Variants in ACTR3C observed in about 807,000 individuals in gnomAD.
ACTR3C encodes actin related protein 3C, also known as actin-related protein 3C.
ACTR3C carries 18 observed loss-of-function variants against 26.3 expected under a neutral mutation model. The ratio of observed to expected loss-of-function variants is 0.68; its 90% CI spans 0.47 to 1.01. ACTR3C has a LOEUF of 1.01. ACTR3C is among the 50% of genes least tolerant of loss of function. The pLI is 0.00. For missense variants in ACTR3C, 184 were observed against 250.7 expected (o/e 0.73, Z 1.80); for synonymous variants, 55 against 94.5 (o/e 0.58, Z 2.42).
the ACTR3C span, among the ~76,000 whole-genome samples, chr7:150,064,977 C>G: frequency 4.9e-4 from 74 of 152,102 alleles, no homozygotes; most frequent in African/African-American, 1.6e-3. Flanking sequence ...CAGTCTGTGC[C>G]TTGGCTGTAA....
At chr7:150,140,424 T>C in the ACTR3C span, among the ~76,000 whole-genome samples, 3 of 152,190 alleles carry the variant, frequency 2.0e-5, no homozygotes, top group South Asian at 2.1e-4. Context: ...GAAGTTCTAC[T>C]GTGGGTAAAA....
At chr7:149,987,313 C>T in the ACTR3C span, among the ~76,000 whole-genome samples, 1 of 151,808 alleles carries the variant, frequency 6.6e-6, no homozygotes, top group African/African-American at 2.4e-5. Context: ...CGCCTGTAAT[C>T]CCAGCATTTT....
At chr7:150,196,792 C>T in the ACTR3C span, among the ~76,000 whole-genome samples, 1 of 152,024 alleles carries the variant, frequency 6.6e-6, no homozygotes, top group Admixed American at 6.6e-5. Context: ...GTTGAGTGTA[C>T]CACTGGCCTC....
intron 1 of ACTR3C, among the ~76,000 whole-genome samples, chr7:150,318,559 C>G (rs1797173888): frequency 6.6e-6 from 1 of 152,256 alleles, no homozygotes; most frequent in East Asian, 1.9e-4. Context: ...ATCAGGAGTT[C>G]AAGACCAGCC....
chr7:150,033,957 G>T, the ACTR3C span, among the ~76,000 whole-genome samples: 2 of 142,214 alleles, frequency 1.4e-5, no homozygotes, highest in African/African-American at 2.5e-5. Context: ...AAAGAGCGAG[G>T]GGGGGAAGGG....
chr7:150,174,580 A>C, the ACTR3C span, among the ~76,000 whole-genome samples: 3 of 139,466 alleles, frequency 2.2e-5, no homozygotes, highest in Non-Finnish European at 4.4e-5. Context: ...TGAAAAAAAA[A>C]AAAAAGAACA....
At chr7:150,221,535 T>C in the ACTR3C span, among the ~76,000 whole-genome samples, 1 of 152,190 alleles carries the variant, frequency 6.6e-6, no homozygotes, top group Non-Finnish European at 1.5e-5. Context: ...GCAGATATAG[T>C]TGAGTTTGAA....
chr7:150,090,815 C>G, the ACTR3C span, among the ~76,000 whole-genome samples: 1 of 152,048 alleles, frequency 6.6e-6, no homozygotes, highest in African/African-American at 2.4e-5. Context: ...GTTTCATACA[C>G]GTCAGGTGCT....
At chr7:149,896,482 A>C in the ACTR3C span, among the ~76,000 whole-genome samples, 2 of 152,198 alleles carry the variant, frequency 1.3e-5, no homozygotes, top group Non-Finnish European at 2.9e-5. Context: ...CTCAATAAAC[A>C]ATATTATCTA....
At chr7:150,209,838 G>T in the ACTR3C span, among the ~76,000 whole-genome samples, 2 of 150,512 alleles carry the variant, frequency 1.3e-5, no homozygotes, top group African/African-American at 4.9e-5. Flanking sequence ...AGGATCACTT[G>T]AGCCCAGGAG....
chr7:149,912,261 G>T, the ACTR3C span, among the ~76,000 whole-genome samples: 1 of 151,874 alleles, frequency 6.6e-6, no homozygotes, highest in Non-Finnish European at 1.5e-5. Flanking sequence ...GCAGGAAAAG[G>T]TCAGACTACA....
At chr7:149,963,335 G>T in the ACTR3C span, among the ~76,000 whole-genome samples, 4 of 152,172 alleles carry the variant, frequency 2.6e-5, no homozygotes, top group Non-Finnish European at 5.9e-5. Context: ...ATTTTTCTCG[G>T]TTTATCTACT....
the ACTR3C span, chr7:149,892,390 T>C: frequency 1.3e-6 from 2 of 1,539,298 alleles, no homozygotes; most frequent in Admixed American, 2.0e-5. Context: ...GACTCTCTGA[T>C]GGCAATACCT....
chr7:149,969,682 T>C, the ACTR3C span, among the ~76,000 whole-genome samples: 2 of 152,220 alleles, frequency 1.3e-5, no homozygotes, highest in Non-Finnish European at 2.9e-5. Context: ...ACAGCAATCA[T>C]TGGAATTAGC....
At chr7:150,209,661 C>T in the ACTR3C span, among the ~76,000 whole-genome samples, 1 of 149,690 alleles carries the variant, frequency 6.7e-6, no homozygotes, top group African/African-American at 2.5e-5. Context: ...GGCAGTTCAC[C>T]TGAAGATAGG....
At chr7:150,242,153 C>T (rs1465710735), downstream of ACTR3C, among the ~76,000 whole-genome samples, 2 of 151,250 alleles carry the variant, frequency 1.3e-5, no homozygotes, top group African/African-American at 2.4e-5. Flanking sequence ...GAGGTGGAGG[C>T]TGCAGTGAGA....
chr7:150,191,109 G>A, the ACTR3C span, among the ~76,000 whole-genome samples: 33 of 152,088 alleles, frequency 2.2e-4, no homozygotes, highest in African/African-American at 7.7e-4. Context: ...ATACCACACC[G>A]TGTTGATTGC....
the ACTR3C span, among the ~76,000 whole-genome samples, chr7:150,041,927 C>A: frequency 1.5e-4 from 22 of 148,358 alleles, no homozygotes; most frequent in Non-Finnish European, 2.5e-4. Context: ...GGAAGAGGGT[C>A]TGGCTCTCAG....
chr7:150,037,092 G>T, the ACTR3C span, among the ~76,000 whole-genome samples: 3 of 100,724 alleles, frequency 3.0e-5, no homozygotes, highest in Admixed American at 9.1e-5. Flanking sequence ...CGTGCGATGG[G>T]GGTCCTAAGA....
Sources: allele counts gnomAD v4.1 joint callset (sites outside exome capture counted in the v4.1 genomes callset), GRCh38; gene constraint gnomAD v4.1.1; transcripts MANE v1.5; gene names NCBI Gene and HGNC (gene_info 2026-07-23, HGNC 2026-07-21).